Variants in AKAP6 observed in about 807,000 individuals in gnomAD.
The protein encoded by AKAP6 is A-kinase anchor protein 6.
A neutral mutation model predicts 188.5 loss-of-function variants in AKAP6; 58 were observed. The observed-to-expected ratio is 0.31, with a 90% CI of 0.25 to 0.38. The LOEUF is 0.38. Ranked by LOEUF, AKAP6 falls within the 10% of genes least tolerant of loss-of-function variation. AKAP6 has a pLI of 1.00. For missense variants in AKAP6, 2,710 were observed against 2,740.0 expected (o/e 0.99, Z 0.24); for synonymous variants, 989 against 998.6 (o/e 0.99, Z 0.18).
chr14:32,724,126 G>C (rs2030717831), intron 9 of AKAP6, among the ~76,000 whole-genome samples: 1 of 151,740 alleles, frequency 6.6e-6, no homozygotes. Flanking sequence ...GCTACATTTA[G>C]GTATTTGAGT....
intron 1 of AKAP6, among the ~76,000 whole-genome samples, chr14:32,359,039 C>A (rs1235565481): frequency 6.6e-6 from 1 of 152,170 alleles, no homozygotes; most frequent in Admixed American, 6.5e-5. Context: ...CCTTCCATGA[C>A]AAAAACTCAG....
intron 5 of AKAP6, among the ~76,000 whole-genome samples, chr14:32,581,386 C>G: frequency 6.6e-6 from 1 of 152,124 alleles, no homozygotes; most frequent in South Asian, 2.1e-4. Context: ...TGTTCTTTTA[C>G]ATTTGCTGAG....
At chr14:32,347,989 C>A (rs1489416511) in intron 1 of AKAP6, among the ~76,000 whole-genome samples, 1 of 152,194 alleles carries the variant, frequency 6.6e-6, no homozygotes, top group Non-Finnish European at 1.5e-5. Flanking sequence ...GATACATTTT[C>A]TAGGCCCTGA....
At chr14:32,471,994 G>A (rs983981957) in intron 2 of AKAP6, among the ~76,000 whole-genome samples, 2 of 152,310 alleles carry the variant, frequency 1.3e-5, no homozygotes, top group Admixed American at 1.3e-4. Flanking sequence ...TAAGATAAAA[G>A]AGAGGTTTGA....
intron 11 of AKAP6, among the ~76,000 whole-genome samples, chr14:32,756,910 T>C (rs1053567288): frequency 6.6e-6 from 1 of 151,840 alleles, no homozygotes; most frequent in Non-Finnish European, 1.5e-5. Flanking sequence ...GGAGCTGGGG[T>C]GTGCATGTGC....
At position 32,730,960 on chromosome 14, in the gene AKAP6, C is replaced by T. The variant is rs151292140; in HGVS notation, c.3001-1494C>T. On this transcript the variant is annotated intron_variant, in intron 9 of 13. Transcript: ENST00000280979. ...CTGGTAATTGCCTTCCATTAGAAAA[C>T]GCAATCAGAATTTCTCCTGTATCAC... 4.3e-3 allele frequency among the ~76,000 whole-genome samples: 650 copies of T among 152,244 alleles called. 6 individuals carry two copies. Among genetic ancestry groups the T allele is most frequent in the African/African-American group, 0.015 (618 of 41,556 alleles).
At chr14:32,560,171 A>G (rs1594744023) in intron 4 of AKAP6, among the ~76,000 whole-genome samples, 1 of 152,190 alleles carries the variant, frequency 6.6e-6, no homozygotes, top group East Asian at 1.9e-4. Flanking sequence ...CTAAGTCAAC[A>G]TAACATTTTA....
intron 5 of AKAP6, among the ~76,000 whole-genome samples, chr14:32,584,661 C>T (rs1328060820): frequency 6.6e-6 from 1 of 152,046 alleles, no homozygotes; most frequent in African/African-American, 2.4e-5. Flanking sequence ...TACTCCATCC[C>T]TAAGCAATCC....
At position 32,829,837 on chromosome 14, in the gene AKAP6, G is replaced by A; in HGVS notation, c.*43-11G>A. The A allele has an allele frequency of 2.9e-6, 2 of 683,622 alleles. No individual in the cohort carries two copies. The highest frequency in any genetic ancestry group is 1.5e-5 in the South Asian group (1 of 64,536). The allele number at this position is 683,622 out of a possible 1,614,324, so 42.3% of individuals were successfully genotyped here. ...TGAAACCTTTTCTTGTCACTTTTTT[G>A]TTTCTTGTAGATACGCCTGGCTGCA... On this transcript the variant is annotated splice_polypyrimidine_tract_variant and intron_variant, in intron 13 of 13. Transcript: ENST00000280979.
At chr14:32,588,558 T>C (rs556824476) in intron 5 of AKAP6, among the ~76,000 whole-genome samples, 2 of 152,308 alleles carry the variant, frequency 1.3e-5, no homozygotes, top group South Asian at 4.1e-4. Flanking sequence ...TTTGAGGCCA[T>C]GTTTATAGTA....
At chr14:32,744,388 C>T (rs1183373279) in intron 11 of AKAP6, among the ~76,000 whole-genome samples, 1 of 152,056 alleles carries the variant, frequency 6.6e-6, no homozygotes, top group Non-Finnish European at 1.5e-5. Context: ...ACAATCTCGG[C>T]TCACTGCAAA....
At chr14:32,729,304 C>T (rs1234083941) in intron 9 of AKAP6, among the ~76,000 whole-genome samples, 1 of 151,966 alleles carries the variant, frequency 6.6e-6, no homozygotes, top group Non-Finnish European at 1.5e-5. Flanking sequence ...TTCGGTGTGG[C>T]GGGGAAGCCT....
chr14:32,654,455 A>G (rs1461685406), intron 7 of AKAP6, among the ~76,000 whole-genome samples: 1 of 152,178 alleles, frequency 6.6e-6, no homozygotes, highest in Admixed American at 6.5e-5. Context: ...GCAACAAACC[A>G]ATTAAATCAA....
At chr14:32,746,059 A>G (rs1188172649) in intron 11 of AKAP6, among the ~76,000 whole-genome samples, 2 of 152,072 alleles carry the variant, frequency 1.3e-5, no homozygotes, top group Non-Finnish European at 2.9e-5. Context: ...CTCACCTTTC[A>G]GGGAAGTGGG....
chr14:32,744,371 C>T (rs576806861), intron 11 of AKAP6, among the ~76,000 whole-genome samples: 1 of 152,036 alleles, frequency 6.6e-6, no homozygotes, highest in South Asian at 2.1e-4. Flanking sequence ...GGCTAGAGTG[C>T]AGTGGCACAA....
chr14:32,345,136 C>T (rs1312323547), intron 1 of AKAP6, among the ~76,000 whole-genome samples: 1 of 151,932 alleles, frequency 6.6e-6, no homozygotes, highest in African/African-American at 2.4e-5. Context: ...GATTTTAGGG[C>T]CAATGAATAT....
At chr14:32,525,389 A>G (rs79619016) in intron 2 of AKAP6, among the ~76,000 whole-genome samples, 1,693 of 152,314 alleles carry the variant, frequency 0.011, 34 homozygotes, top group African/African-American at 0.038. Context: ...AAGCAAAGCA[A>G]TCTACGTTTG....
At chr14:32,481,267 TCTC>T (rs770774756) in intron 2 of AKAP6, among the ~76,000 whole-genome samples, 14 of 152,146 alleles carry the variant, frequency 9.2e-5, no homozygotes, top group Non-Finnish European at 2.1e-4. Context: ...CTACCCCTAT[TCTC>T]CTGCCTCACA....
chr14:32,763,011 G>C (rs983346242), intron 11 of AKAP6, among the ~76,000 whole-genome samples: 1 of 151,934 alleles, frequency 6.6e-6, no homozygotes, highest in African/African-American at 2.4e-5. Context: ...ATTTTAAATG[G>C]TTATAAGAAA....
Sources: allele counts gnomAD v4.1 joint callset (sites outside exome capture counted in the v4.1 genomes callset), GRCh38; gene constraint gnomAD v4.1.1; transcripts MANE v1.5; gene names NCBI Gene and HGNC (gene_info 2026-07-23, HGNC 2026-07-21).